Variants in PTPRD observed in about 807,000 individuals in gnomAD.
PTPRD encodes the protein receptor-type tyrosine-protein phosphatase delta.
PTPRD carries 34 observed loss-of-function variants against 214.5 expected under a neutral mutation model. That is an observed-to-expected ratio of 0.16 (90% CI 0.12 to 0.21). The LOEUF is 0.21. Ranked by LOEUF, PTPRD falls within the 10% of genes least tolerant of loss-of-function variation. The pLI is 1.00. For synonymous variants in PTPRD, 1,128 were observed against 845.7 expected (o/e 1.33, Z -5.79); for missense variants, 2,545 against 2,398.7 (o/e 1.06, Z -1.27).
intron 3 of PTPRD, among the ~76,000 whole-genome samples, chr9:10,327,380 T>C (rs1254806261): frequency 6.6e-6 from 1 of 151,542 alleles, no homozygotes; most frequent in Non-Finnish European, 1.5e-5. Flanking sequence ...TTGAGATAAA[T>C]TGATCATAAA....
chr9:8,474,007 C>T (rs1469274390), intron 30 of PTPRD, among the ~76,000 whole-genome samples: 6 of 152,140 alleles, frequency 3.9e-5, no homozygotes, highest in Non-Finnish European at 7.4e-5. Context: ...TATCAACTTC[C>T]TTGCCTTACC....
chr9:10,227,871 A>G (rs1196718563), intron 3 of PTPRD, among the ~76,000 whole-genome samples: 4 of 151,984 alleles, frequency 2.6e-5, no homozygotes, highest in Non-Finnish European at 5.9e-5. Context: ...GTCCGGCCCT[A>G]CTTGGCTGAG....
At chr9:9,858,920 C>T (rs1386713075) in intron 5 of PTPRD, among the ~76,000 whole-genome samples, 2 of 152,176 alleles carry the variant, frequency 1.3e-5, no homozygotes, top group Admixed American at 6.5e-5. Flanking sequence ...TGCCCAAGAA[C>T]AGGCATCACC....
intron 18 of PTPRD, among the ~76,000 whole-genome samples, chr9:8,524,550 C>A (rs1448354294): frequency 6.6e-6 from 1 of 151,616 alleles, no homozygotes; most frequent in East Asian, 1.9e-4. Context: ...TAGTAGCACA[C>A]CAAGCAATTA....
intron 39 of PTPRD, among the ~76,000 whole-genome samples, chr9:8,372,957 C>T (rs543208292): frequency 1.1e-4 from 16 of 152,088 alleles, no homozygotes; most frequent in Non-Finnish European, 2.2e-4. Context: ...TTTGTCACTA[C>T]TTCTTTAATA....
At position 10,601,630 on chromosome 9, in the gene PTPRD, C is replaced by G. The variant is rs190449155; in HGVS notation, c.-600+10768G>C. Among the ~76,000 whole-genome samples the G allele has an allele frequency of 8.0e-4, 121 of 151,734 alleles. 1 individual carries two copies. Among genetic ancestry groups the G allele is most frequent in the African/African-American group, 2.8e-3 (116 of 41,444 alleles). On this transcript the variant is annotated intron_variant, in intron 2 of 45. Coordinates refer to ENST00000381196, the MANE Select transcript of PTPRD (RefSeq NM_002839.4). ...TGGACCTGAATTTTATATCTTCTTT[C>G]TTTGTAAAAATAAAGGAAATAAAAT...
chr9:8,359,113 AAAAAAAAAAC>A (rs1447711958), intron 39 of PTPRD, among the ~76,000 whole-genome samples: 13 of 16,374 alleles, frequency 7.9e-4, no homozygotes, highest in Non-Finnish European at 2.2e-3. Context: ...GTCTCAAAAA[AAAAAAAAAAC>A]AAAAAAAAAA....
intron 5 of PTPRD, among the ~76,000 whole-genome samples, chr9:9,845,889 C>T (rs1341930139): frequency 6.6e-6 from 1 of 151,998 alleles, no homozygotes; most frequent in Non-Finnish European, 1.5e-5. Context: ...GCTCCATGTC[C>T]AGAGGAAGTT....
At chr9:9,996,003 T>C (rs902710063) in intron 4 of PTPRD, among the ~76,000 whole-genome samples, 1 of 152,186 alleles carries the variant, frequency 6.6e-6, no homozygotes, top group Admixed American at 6.5e-5. Flanking sequence ...TACTGTACCA[T>C]AATATTTTGC....
intron 3 of PTPRD, among the ~76,000 whole-genome samples, chr9:10,272,847 C>T (rs2094493404): frequency 6.6e-6 from 1 of 152,164 alleles, no homozygotes; most frequent in South Asian, 2.1e-4. Flanking sequence ...GAATACCACA[C>T]ATGTGTGAAT....
At chr9:9,271,998 G>A (rs1418739288) in intron 9 of PTPRD, among the ~76,000 whole-genome samples, 31 of 151,320 alleles carry the variant, frequency 2.0e-4, no homozygotes, top group Admixed American at 1.9e-3. Flanking sequence ...AGCACTTTAT[G>A]ACAGAAGCAG....
chr9:9,923,480 C>A (rs1032264982), intron 5 of PTPRD, among the ~76,000 whole-genome samples: 3 of 131,324 alleles, frequency 2.3e-5, no homozygotes, highest in African/African-American at 8.3e-5. Context: ...AATTTCTGAG[C>A]ACACACAAAA....
intron 11 of PTPRD, among the ~76,000 whole-genome samples, chr9:8,996,173 C>T (rs1341005695): frequency 6.6e-6 from 1 of 152,102 alleles, no homozygotes; most frequent in African/African-American, 2.4e-5. Context: ...CAAATGACTA[C>T]AGCAACTTTA....
chr9:8,771,459 C>G (rs1046584072), intron 11 of PTPRD, among the ~76,000 whole-genome samples: 3 of 152,072 alleles, frequency 2.0e-5, no homozygotes, highest in Non-Finnish European at 4.4e-5. Context: ...AACATGAAAT[C>G]TTTTTCCCAC....
chr9:10,236,063 C>G (rs10738155), intron 3 of PTPRD, among the ~76,000 whole-genome samples: 20,267 of 151,640 alleles, frequency 0.13, 1,438 homozygotes, highest in African/African-American at 0.16. Flanking sequence ...TTGAAAATGA[C>G]CTTAAAGTCA....
chr9:9,248,306 C>T (rs2099973953), intron 9 of PTPRD, among the ~76,000 whole-genome samples: 1 of 151,954 alleles, frequency 6.6e-6, no homozygotes, highest in African/African-American at 2.4e-5. Context: ...GTGGGCCAGG[C>T]TAATCTTGAA....
rs146957492 is a variant in PTPRD at position 9,570,640 on chromosome 9, C to T, written c.-237+4092G>A. 5.7e-4 allele frequency among the ~76,000 whole-genome samples: 87 copies of T among 151,682 alleles called. No homozygotes were observed. In the East Asian group the frequency reaches 0.016, roughly 28 times the overall value. ...AAAGTCTTAGAACCAATCTTCAAGA[C>T]AGCTATTTGTGTTTTACCTTTGTTC... On this transcript the variant is annotated intron_variant, in intron 8 of 45. Transcript: ENST00000381196.
chr9:10,413,420 A>G (rs998224343), intron 2 of PTPRD, among the ~76,000 whole-genome samples: 2 of 151,890 alleles, frequency 1.3e-5, no homozygotes, highest in African/African-American at 4.8e-5. Flanking sequence ...AAAGATCTCT[A>G]TGATAAGAAC....
chr9:9,221,286 C>A (rs1489058016), intron 9 of PTPRD, among the ~76,000 whole-genome samples: 1 of 152,050 alleles, frequency 6.6e-6, no homozygotes, highest in East Asian at 1.9e-4. Flanking sequence ...GGATAGAATT[C>A]GGAGCAACAG....
Sources: gnomAD v4.1 joint callset for allele counts (sites outside exome capture counted in the v4.1 genomes callset) on GRCh38, gnomAD v4.1.1 for gene constraint, MANE v1.5 for transcripts, NCBI Gene and HGNC (gene_info 2026-07-23, HGNC 2026-07-21) for gene names.